The following TMPRSS2 variants were observed in gnomAD, a reference collection of about 807,000 sequenced individuals.
TMPRSS2 encodes the protein transmembrane serine protease 2, also known as transmembrane protease serine 2.
In TMPRSS2, 59 loss-of-function variants were observed where a neutral mutation model predicts 67.4. The observed-to-expected ratio is 0.88, with a 90% CI of 0.71 to 1.09. The LOEUF is 1.09. Ranked by LOEUF, TMPRSS2 falls within the 50% of genes least tolerant of loss-of-function variation. The pLI is 0.00. For missense variants in TMPRSS2, 668 were observed against 642.7 expected, an observed-to-expected ratio of 1.04 and a Z score of -0.43; for synonymous variants, 257 against 257.0, an observed-to-expected ratio of 1.00 and a Z score of 0.00.
At position 41,479,364 on chromosome 21, in the gene TMPRSS2, A is replaced by C. The variant is rs2091239527; in HGVS notation, c.573-82T>G. On this transcript the variant is annotated intron_variant, in intron 6 of 13. Transcript: ENST00000332149. ...TATACTATGTCATAATACCGCTCAT[A>C]CGACATTCAGAATAAGAGGGAAAAA... 3 of 1,015,226 alleles carry C rather than the reference A, an allele frequency of 3.0e-6. No homozygotes were observed. In the South Asian group the frequency reaches 4.4e-5, roughly 15 times the overall value. 62.9% of individuals were successfully genotyped at this position (1,015,226 alleles called of 1,614,324 possible).
In TMPRSS2 at chr21:41,466,711, C is replaced by A. The variant is rs932116570; in HGVS notation, c.1468-558G>T. 2.0e-5 allele frequency among the ~76,000 whole-genome samples: 3 copies of A among 152,228 alleles called. No individual in the cohort carries two copies. In the East Asian group the frequency reaches 5.8e-4, roughly 29 times the overall value. ...ACAGGTCGGGCCTCAGCGGGAAAGG[C>A]CCCCTGGTTCTGCTCCTCCTTCAAC... On this transcript the variant is annotated intron_variant, in intron 13 of 13. Transcript: ENST00000332149.
At position 41,478,367 on chromosome 21, in the gene TMPRSS2, G is replaced by T. The variant is rs2091232116; in HGVS notation, c.683+805C>A. 6.6e-6 allele frequency among the ~76,000 whole-genome samples: 1 copy of T among 152,210 alleles called. No individual in the cohort carries two copies. Among genetic ancestry groups the T allele is most frequent in the Non-Finnish European group, 1.5e-5 (1 of 68,040 alleles). ...CAGCACCTGGCACCTGGCAGGCAGG[G>T]AGGTGATGCCTAGACACCAGGCATA... On this transcript the variant is annotated intron_variant, in intron 7 of 13. Coordinates refer to ENST00000332149, the MANE Select transcript of TMPRSS2 (RefSeq NM_005656.4). This position sits in a 1 kb window ranked among gnomAD's most constrained non-coding sequence, Gnocchi z 4.0.
chr21:41,508,113 C>T lies in TMPRSS2; in HGVS notation c.-89G>A. 1 of 1,104,354 alleles carries T rather than the reference C, an allele frequency of 9.1e-7. No homozygotes were observed. Among genetic ancestry groups the T allele is most frequent in the Non-Finnish European group, 1.2e-6 (1 of 850,354 alleles). 68.4% of individuals were successfully genotyped at this position (1,104,354 alleles called of 1,614,324 possible). On this transcript the variant is annotated 5_prime_UTR_variant, in exon 1 of 14. Transcript: ENST00000332149. ...GCTCCAGGCGGCGCTCCCCGCCCCTCGCCCTCCGCCTCCGCCTCCGCCTCC... is the reference window on the plus strand; with the variant it reads ...GCTCCAGGCGGCGCTCCCCGCCCCTTGCCCTCCGCCTCCGCCTCCGCCTCC...
Position 41,465,219 on chromosome 21 carries a change from C to T in TMPRSS2, c.*923G>A, listed in dbSNP as rs1008453445. The T allele has an allele frequency of 8.6e-6, 2 of 233,654 alleles. No individual in the cohort carries two copies. Among genetic ancestry groups the T allele is most frequent in the African/African-American group, 4.4e-5 (2 of 45,362 alleles). 14.5% of individuals were successfully genotyped at this position (233,654 alleles called of 1,614,324 possible). On this transcript the variant is annotated 3_prime_UTR_variant, in exon 14 of 14. Transcript: ENST00000332149. Reference sequence around the variant, plus strand: ...ATCAAAAGCTAAGTTTCCAGGAGCACTGAGGTAGCAATGTGTAGAAACATA... The same window carrying T: ...ATCAAAAGCTAAGTTTCCAGGAGCATTGAGGTAGCAATGTGTAGAAACATA...
intron 8 of TMPRSS2, among the ~76,000 whole-genome samples, chr21:41,473,740 G>A (rs1157973913): frequency 6.6e-6 from 1 of 151,436 alleles, no homozygotes; most frequent in Non-Finnish European, 1.5e-5. Flanking sequence ...GGTCTCCCGG[G>A]ACCCAGGTGG....
intron 5 of TMPRSS2, 58 bp downstream of exon 5, chr21:41,488,336 C>G: frequency 6.3e-7 from 1 of 1,583,594 alleles, no homozygotes; most frequent in Non-Finnish European, 8.6e-7. Context: ...CCCCTGGACC[C>G]GGCTGCTGTC....
At chr21:41,475,720 G>A in intron 8 of TMPRSS2, among the ~76,000 whole-genome samples, 2 of 113,896 alleles carry the variant, frequency 1.8e-5, no homozygotes, top group Admixed American at 8.6e-5. Context: ...GAGGTTGAGG[G>A]GGTGAGTAGG....
At position 41,465,941 on chromosome 21, in the gene TMPRSS2, G is replaced by A. The variant is rs1316277664; in HGVS notation, c.*201C>T. Reference sequence around the variant, plus strand: ...GCCGGCCATCACCCCTTGCGGACAAGGGGTTAGGGAGAGCAGGCTGGGCAG... The same window carrying A: ...GCCGGCCATCACCCCTTGCGGACAAAGGGTTAGGGAGAGCAGGCTGGGCAG... On this transcript the variant is annotated 3_prime_UTR_variant, in exon 14 of 14. Transcript: ENST00000332149. The A allele has an allele frequency of 1.6e-6, 1 of 637,412 alleles. No homozygotes were observed. Among genetic ancestry groups the A allele is most frequent in the African/African-American group, 1.9e-5 (1 of 53,930 alleles). The allele number at this position is 637,412 out of a possible 1,614,324, so 39.5% of individuals were successfully genotyped here.
chr21:41,484,843 C>T (rs2091283649), intron 5 of TMPRSS2, among the ~76,000 whole-genome samples: 1 of 151,968 alleles, frequency 6.6e-6, no homozygotes, highest in African/African-American at 2.4e-5. Flanking sequence ...ATGCAAAGGA[C>T]CAACTGTGCC....
In TMPRSS2 at chr21:41,473,438, C is replaced by T. The variant is rs375491952; in HGVS notation, c.786G>A (p.Ala262=). 1.2e-4 allele frequency: 190 copies of T among 1,610,054 alleles called. No homozygotes were observed. Among genetic ancestry groups the T allele is most frequent in the Non-Finnish European group, 1.5e-4 (172 of 1,179,082 alleles). The change falls in exon 9 of 14, where the codon GCG becomes GCA. Residue 262 remains alanine (A), a synonymous_variant. Transcript: ENST00000332149. ...RQSRIVGGES[A]LPGAWPWQVS... is the part of the protein sequence containing the mutation. ...CCTGCCAGGGCCAGGCCCCCGGGAG[C>T]GCGCTCTCGCCGCCCACAATCCTGC...
chr21:41,479,716 C>T (rs978919283), intron 6 of TMPRSS2, among the ~76,000 whole-genome samples: 2 of 152,106 alleles, frequency 1.3e-5, no homozygotes, highest in African/African-American at 2.4e-5. Flanking sequence ...ACTTTCTCAC[C>T]GAGTGGTAAT....
At chr21:41,485,439 G>A (rs1162180905) in intron 5 of TMPRSS2, among the ~76,000 whole-genome samples, 1 of 152,002 alleles carries the variant, frequency 6.6e-6, no homozygotes, top group East Asian at 1.9e-4. Flanking sequence ...CTTGAGGTCA[G>A]GAGTTCGAGA....
chr21:41,498,523 C>T (rs150715708), intron 1 of TMPRSS2, among the ~76,000 whole-genome samples: 46 of 152,326 alleles, frequency 3.0e-4, no homozygotes, highest in Non-Finnish European at 5.6e-4. Context: ...AAACATCCAT[C>T]GGGAAGGGCT....
rs1457361241 is a variant in TMPRSS2 at position 41,464,645 on chromosome 21, A to C, written c.*1497T>G. The C allele has an allele frequency of 8.6e-6, 2 of 233,100 alleles. No individual in the cohort carries two copies. The highest frequency in any genetic ancestry group is 1.7e-5 in the Non-Finnish European group (2 of 117,990). 14.4% of individuals were successfully genotyped at this position (233,100 alleles called of 1,614,324 possible). A position where few individuals can be genotyped will look rare whatever the true frequency, so the allele number is the denominator to read the frequency against. ...AAAAAAGATACAAAAAAAGACAAACAGTTGTTCACATAAATAAGAAGGGGC... is the reference window on the plus strand; with the variant it reads ...AAAAAAGATACAAAAAAAGACAAACCGTTGTTCACATAAATAAGAAGGGGC... On this transcript the variant is annotated 3_prime_UTR_variant, in exon 14 of 14. Coordinates refer to ENST00000332149, the MANE Select transcript of TMPRSS2 (RefSeq NM_005656.4).
intron 1 of TMPRSS2, among the ~76,000 whole-genome samples, chr21:41,498,602 G>T (rs1323019868): frequency 1.3e-5 from 2 of 152,176 alleles, no homozygotes; most frequent in East Asian, 3.8e-4. Context: ...CATCCTGCTG[G>T]ACTTAACCCA....
intron 2 of TMPRSS2, among the ~76,000 whole-genome samples, chr21:41,497,390 T>A (rs1378392501): frequency 6.6e-6 from 1 of 152,120 alleles, no homozygotes; most frequent in African/African-American, 2.4e-5. Flanking sequence ...CACAAGGTAA[T>A]CTCTCATCTA....
intron 1 of TMPRSS2, chr21:41,502,665 G>A (rs929723537): frequency 2.4e-6 from 2 of 842,886 alleles, no homozygotes; most frequent in Admixed American, 6.2e-5. Flanking sequence ...AGCCAACAGT[G>A]GATTTCAGTG....
chr21:41,472,331 A>G (rs2091141033), intron 9 of TMPRSS2, among the ~76,000 whole-genome samples: 2 of 152,200 alleles, frequency 1.3e-5, no homozygotes. Flanking sequence ...TTCCTGGCAC[A>G]TGGTAGGTGC....
intron 5 of TMPRSS2, among the ~76,000 whole-genome samples, chr21:41,483,727 C>T (rs1334579782): frequency 6.7e-6 from 1 of 150,126 alleles, no homozygotes; most frequent in Non-Finnish European, 1.5e-5. Context: ...GAGACGGCAG[C>T]TGATAAGCCA....
Sources: gnomAD v4.1 joint callset for allele counts (sites outside exome capture counted in the v4.1 genomes callset) on GRCh38, gnomAD v4.1.1 for gene constraint, Gnocchi (gnomAD v3.1) non-coding constraint, MANE v1.5 for transcripts, NCBI Gene and HGNC (gene_info 2026-07-23, HGNC 2026-07-21) for gene names.